RBFOX3: variants seen among roughly 807,000 people sequenced by gnomAD.
RBFOX3 encodes RNA binding protein fox-1 homolog 3.
Under a neutral mutation model 48.7 loss-of-function variants are expected in RBFOX3, and 17 were observed. That is an observed-to-expected ratio of 0.35 (90% confidence interval 0.24 to 0.52). The LOEUF is 0.52. RBFOX3 is among the 20% of genes least tolerant of loss of function. RBFOX3 has a pLI of 0.94. For missense variants in RBFOX3, 382 were observed against 497.5 expected, an observed-to-expected ratio of 0.77 and a Z score of 2.21; for synonymous variants, 212 against 209.5, an observed-to-expected ratio of 1.01 and a Z score of -0.10.
intron 4 of RBFOX3, among the ~76,000 whole-genome samples, chr17:79,173,219 A>AATACATACATACATAC (rs60584351): frequency 6.6e-6 from 1 of 150,592 alleles, no homozygotes; most frequent in African/African-American, 2.5e-5. Context: ...TAAATAAATA[A>AATACATACATACATAC]ATACATACAT....
chr17:79,357,456 T>C (rs1307703876), intron 2 of RBFOX3, among the ~76,000 whole-genome samples: 2 of 152,140 alleles, frequency 1.3e-5, no homozygotes, highest in African/African-American at 4.8e-5. Context: ...GGTGAAACCC[T>C]GTCTCTATTA....
chr17:79,110,027 G>A (rs1224981611), intron 5 of RBFOX3, among the ~76,000 whole-genome samples: 1 of 152,016 alleles, frequency 6.6e-6, no homozygotes, highest in Non-Finnish European at 1.5e-5. Flanking sequence ...ACTGCACACG[G>A]ACTGCCCCAG....
upstream of RBFOX3, among the ~76,000 whole-genome samples, chr17:79,611,130 T>TCTCTCTCTCTCTCTCCCTCTCTC: frequency 2.6e-5 from 1 of 37,816 alleles, no homozygotes; most frequent in South Asian, 9.4e-4. Context: ...TCCGCCCTCC[T>TCTCTCTCTCTCTCTCCCTCTCTC]TCTCTCTCTC....
intron 4 of RBFOX3, among the ~76,000 whole-genome samples, chr17:79,202,085 C>G (rs922672565): frequency 1.3e-5 from 2 of 152,148 alleles, no homozygotes; most frequent in Admixed American, 6.5e-5. Context: ...AGAATGACCT[C>G]GGTCCCCTGG....
At chr17:79,109,790 C>T (rs993649748) in intron 5 of RBFOX3, among the ~76,000 whole-genome samples, 1 of 152,144 alleles carries the variant, frequency 6.6e-6, no homozygotes, top group African/African-American at 2.4e-5. Context: ...GGGAACCAGC[C>T]CCGCGCCCAC....
intron 3 of RBFOX3, among the ~76,000 whole-genome samples, chr17:79,246,869 G>C (rs8072946): frequency 0.23 from 34,503 of 152,084 alleles, 4,098 homozygotes; most frequent in Non-Finnish European, 0.26. Flanking sequence ...GGATGGGGGT[G>C]GGGGGAGAAC....
At position 79,477,120 on chromosome 17, in the gene RBFOX3, T is replaced by C. The variant is rs759896691; in HGVS notation, c.-175+5334A>G. 1.1e-3 allele frequency among the ~76,000 whole-genome samples: 166 copies of C among 146,916 alleles called. No homozygotes were observed. Among genetic ancestry groups the C allele is most frequent in the Non-Finnish European group, 1.9e-3 (124 of 66,492 alleles). ...TGGTGGTGGGCGCCTGTAATCCCAG[T>C]TACTCGGGAAGCTGAGGCAGGAGAA... On this transcript the variant is annotated intron_variant, in intron 2 of 14. Transcript: ENST00000693108. The surrounding 1 kb of genome is among the most constrained non-coding windows in gnomAD (Gnocchi z 4.8).
Position 79,222,167 on chromosome 17 carries a change from G to T in RBFOX3, c.-34+13599C>A, listed in dbSNP as rs899623228. On this transcript the variant is annotated intron_variant, in intron 4 of 14. Coordinates refer to ENST00000693108, the MANE Select transcript of RBFOX3 (RefSeq NM_001350451.2). ...TCTACCTGCTGCCTGATTTCTACCT[G>T]CAGCCTGATTTCTACCTGCAGCCTG... Among the ~76,000 whole-genome samples the T allele has an allele frequency of 8.6e-5, 13 of 151,832 alleles. No homozygotes were observed. In the South Asian group the frequency reaches 2.7e-3, roughly 32 times the overall value.
chr17:79,638,304 G>T, the RBFOX3 span, among the ~76,000 whole-genome samples: 10 of 88,280 alleles, frequency 1.1e-4, no homozygotes, highest in Admixed American at 1.1e-3. Flanking sequence ...AACTGAGTTG[G>T]TTTTTTTTTT....
At chr17:79,367,695 C>T (rs1049176807) in intron 2 of RBFOX3, among the ~76,000 whole-genome samples, 8 of 152,078 alleles carry the variant, frequency 5.3e-5, no homozygotes, top group Middle Eastern at 3.2e-3. Flanking sequence ...TCCACCCCTC[C>T]GGGGAGGACA....
At chr17:79,548,429 A>G (rs2090757073) in intron 1 of RBFOX3, among the ~76,000 whole-genome samples, 1 of 152,188 alleles carries the variant, frequency 6.6e-6, no homozygotes, top group African/African-American at 2.4e-5. Context: ...AGCAGCCCCC[A>G]TCTTCTCCAA....
intron 2 of RBFOX3, among the ~76,000 whole-genome samples, chr17:79,353,112 A>G (rs911624385): frequency 2.0e-5 from 3 of 152,184 alleles, no homozygotes; most frequent in African/African-American, 7.2e-5. Flanking sequence ...TGACAATAAA[A>G]CTATGAGCCT....
rs1285727044 is a variant in RBFOX3, at chr17:79,212,356, C to T, written c.-34+23410G>A. Among the ~76,000 whole-genome samples the T allele has an allele frequency of 1.3e-5, 2 of 152,120 alleles. No individual in the cohort carries two copies. The highest frequency in any genetic ancestry group is 6.5e-5 in the Admixed American group (1 of 15,292). The stretch of plus-strand genomic sequence containing the variant: ...ATTTGCCTGGGAGGAAGGAAGGGGC[C>T]GCACTTGCTCCAGCCTCTCTGGCTG... On this transcript the variant is annotated intron_variant, in intron 4 of 14. Coordinates refer to ENST00000693108, the MANE Select transcript of RBFOX3 (RefSeq NM_001350451.2). This position sits in a 1 kb window ranked among gnomAD's most constrained non-coding sequence, Gnocchi z 4.7.
At chr17:79,526,746 G>A (rs1458867298) in intron 1 of RBFOX3, among the ~76,000 whole-genome samples, 1 of 152,230 alleles carries the variant, frequency 6.6e-6, no homozygotes, top group African/African-American at 2.4e-5. Context: ...GCATGGCTCA[G>A]ATGAACCAGG....
chr17:79,169,248 G>A (rs940449124), intron 4 of RBFOX3, among the ~76,000 whole-genome samples: 2 of 152,158 alleles, frequency 1.3e-5, no homozygotes, highest in African/African-American at 4.8e-5. Flanking sequence ...TCAGCAACCC[G>A]GGTTTCACTG....
chr17:79,509,634 G>A (rs889525519), intron 1 of RBFOX3, among the ~76,000 whole-genome samples: 12 of 152,100 alleles, frequency 7.9e-5, no homozygotes, highest in Admixed American at 1.3e-4. Flanking sequence ...TGGCAGGGTC[G>A]GCGCCTGGGA....
At chr17:79,149,289 AC>A (rs2043776365) in intron 4 of RBFOX3, among the ~76,000 whole-genome samples, 1 of 151,872 alleles carries the variant, frequency 6.6e-6, no homozygotes. Flanking sequence ...GCATCTCGGG[AC>A]CCCTCCCTGG....
chr17:79,525,654 A>G (rs2086696019), intron 1 of RBFOX3, among the ~76,000 whole-genome samples: 1 of 152,240 alleles, frequency 6.6e-6, no homozygotes, highest in Non-Finnish European at 1.5e-5. Context: ...CGATGTCTAA[A>G]GGAACATTGC....
chr17:79,285,709 A>G (rs2071707435), intron 3 of RBFOX3, among the ~76,000 whole-genome samples: 1 of 110,442 alleles, frequency 9.1e-6, no homozygotes, highest in South Asian at 3.1e-4. Flanking sequence ...TTTGAGATGG[A>G]GTCTCGCTCT....
Sources: gnomAD v4.1 joint callset for allele counts (sites outside exome capture counted in the v4.1 genomes callset) on GRCh38, gnomAD v4.1.1 for gene constraint, Gnocchi (gnomAD v3.1) non-coding constraint, MANE v1.5 for transcripts, NCBI Gene and HGNC (gene_info 2026-07-23, HGNC 2026-07-21) for gene names.